The following SLC24A2 variants were observed in gnomAD, a reference collection of about 807,000 sequenced individuals.
SLC24A2 encodes the protein sodium/potassium/calcium exchanger 2.
Under a neutral mutation model 62.0 loss-of-function variants are expected in SLC24A2, and 36 were observed. That is an observed-to-expected ratio of 0.58 (90% confidence interval 0.44 to 0.77). SLC24A2 has a LOEUF of 0.77. Ranked by LOEUF, SLC24A2 falls within the 30% of genes least tolerant of loss-of-function variation. The pLI is 0.00. For missense variants in SLC24A2, 846 were observed against 817.9 expected, an observed-to-expected ratio of 1.03 and a Z score of -0.42; for synonymous variants, 358 against 294.0, an observed-to-expected ratio of 1.22 and a Z score of -2.23.
intron 5 of SLC24A2, among the ~76,000 whole-genome samples, chr9:19,577,873 C>T (rs1836076131): frequency 1.3e-5 from 2 of 148,272 alleles, no homozygotes; most frequent in African/African-American, 4.9e-5. Flanking sequence ...TAAAAATATT[C>T]CAACATATAT....
chr9:19,786,766 A>T lies in SLC24A2; in HGVS notation c.101T>A (p.Leu34Gln), dbSNP rs1181397055. Residue 34 changes from leucine (L) to glutamine (Q), a missense_variant, in exon 2 of 11, where the codon CTG (leucine) becomes CAG (glutamine). Coordinates refer to ENST00000341998, the MANE Select transcript of SLC24A2 (RefSeq NM_020344.4). The surrounding 1 kb of genome is among the most constrained non-coding windows in gnomAD (Gnocchi z 5.0). ...AAGGCCTAAGACTCGAATTAACTTCAGTTTTTTCTTGACACTATAATGTCT... is the reference window on the plus strand; with the variant it reads ...AAGGCCTAAGACTCGAATTAACTTCTGTTTTTTCTTGACACTATAATGTCT... ...CRRHYSVKKKLKLIRVLGLFM... is the reference protein window; with the variant it reads ...CRRHYSVKKKQKLIRVLGLFM... 6.2e-7 allele frequency: 1 copy of T among 1,601,716 alleles called. No individual in the cohort carries two copies. The highest frequency in any genetic ancestry group is 2.2e-5 in the East Asian group (1 of 44,690).
chr9:19,991,377 T>G, the SLC24A2 span, among the ~76,000 whole-genome samples: 2 of 152,168 alleles, frequency 1.3e-5, no homozygotes, highest in African/African-American at 4.8e-5. Context: ...CATGTTCTTC[T>G]GCCTGCTTTT....
chr9:20,208,221 G>C, the SLC24A2 span, among the ~76,000 whole-genome samples: 532 of 152,336 alleles, frequency 3.5e-3, 2 homozygotes, highest in Non-Finnish European at 6.3e-3. Context: ...GCTGAGACGA[G>C]CATTCCAAGC....
At chr9:19,572,681 T>C (rs929773736) in intron 7 of SLC24A2, among the ~76,000 whole-genome samples, 21 of 152,238 alleles carry the variant, frequency 1.4e-4, no homozygotes, top group African/African-American at 4.1e-4. Flanking sequence ...AAGTTCTCTA[T>C]AGCAGTGTGA....
intron 4 of SLC24A2, among the ~76,000 whole-genome samples, chr9:19,605,132 C>T (rs1375179614): frequency 6.6e-6 from 1 of 152,150 alleles, no homozygotes; most frequent in Non-Finnish European, 1.5e-5. Context: ...TGCCAGTAAA[C>T]CAGAGATCTG....
chr9:19,661,770 C>A (rs1819108758), intron 2 of SLC24A2, among the ~76,000 whole-genome samples: 1 of 152,202 alleles, frequency 6.6e-6, no homozygotes, highest in South Asian at 2.1e-4. Flanking sequence ...GATTAGGGAT[C>A]CCTCTGTTGT....
intron 2 of SLC24A2, among the ~76,000 whole-genome samples, chr9:19,720,777 A>C (rs1821002307): frequency 6.8e-6 from 1 of 146,872 alleles, no homozygotes; most frequent in South Asian, 2.3e-4. Flanking sequence ...ACTTAAATAG[A>C]AACTCATATT....
chr9:20,026,591 T>C, the SLC24A2 span, among the ~76,000 whole-genome samples: 1 of 152,166 alleles, frequency 6.6e-6, no homozygotes, highest in Non-Finnish European at 1.5e-5. Flanking sequence ...GCCTCTTCAA[T>C]AAATGATGTT....
the SLC24A2 span, among the ~76,000 whole-genome samples, chr9:20,273,145 C>T: frequency 2.6e-5 from 4 of 152,150 alleles, no homozygotes; most frequent in Admixed American, 6.5e-5. Flanking sequence ...CCTGATGGAG[C>T]ACAGGACACA....
At chr9:20,199,703 G>T in the SLC24A2 span, among the ~76,000 whole-genome samples, 1 of 151,234 alleles carries the variant, frequency 6.6e-6, no homozygotes, top group African/African-American at 2.4e-5. Context: ...TGATATCTGG[G>T]TTTCTTTCTT....
At chr9:20,212,074 G>T in the SLC24A2 span, among the ~76,000 whole-genome samples, 7 of 148,492 alleles carry the variant, frequency 4.7e-5, 1 homozygote, top group African/African-American at 1.8e-4. Flanking sequence ...TATTACAAAA[G>T]AATTCAAAAT....
At chr9:20,129,928 TACACACACACACACAC>T in the SLC24A2 span, among the ~76,000 whole-genome samples, 5 of 141,798 alleles carry the variant, frequency 3.5e-5, no homozygotes, top group East Asian at 6.0e-4. Flanking sequence ...TATAATTTAC[TACACACACACACACAC>T]ACACACACAC....
At chr9:19,697,420 T>C (rs553246567) in intron 2 of SLC24A2, among the ~76,000 whole-genome samples, 24 of 152,310 alleles carry the variant, frequency 1.6e-4, no homozygotes, top group African/African-American at 5.5e-4. Flanking sequence ...ATTCGGCATA[T>C]GTACCCCAGA....
chr9:19,534,647 T>C lies in SLC24A2; in HGVS notation c.1480-6509A>G, dbSNP rs540802386. ...TCTTGTGTTAGTTTGCTGACAATGA[T>C]AGTTTCCAGCTTCATCCATGTCCCT... is the stretch of plus-strand genomic sequence containing the variant. On this transcript the variant is annotated intron_variant, in intron 8 of 10. Coordinates refer to ENST00000341998, the MANE Select transcript of SLC24A2 (RefSeq NM_020344.4). 5.9e-5 allele frequency among the ~76,000 whole-genome samples: 9 copies of C among 152,290 alleles called. No homozygotes were observed. In the South Asian group the frequency reaches 1.9e-3, roughly 32 times the overall value.
the SLC24A2 span, among the ~76,000 whole-genome samples, chr9:20,249,412 A>G: frequency 6.6e-6 from 1 of 152,142 alleles, no homozygotes; most frequent in Non-Finnish European, 1.5e-5. Context: ...ATTAAATGAG[A>G]TAGTCCATCT....
At chr9:19,736,039 G>A (rs1010956790) in intron 2 of SLC24A2, among the ~76,000 whole-genome samples, 3 of 152,024 alleles carry the variant, frequency 2.0e-5, no homozygotes, top group African/African-American at 4.8e-5. Context: ...TAACAGTAAC[G>A]CAAACAGTGG....
At chr9:20,001,476 A>C in the SLC24A2 span, among the ~76,000 whole-genome samples, 14 of 152,344 alleles carry the variant, frequency 9.2e-5, no homozygotes, top group South Asian at 2.9e-3. Context: ...CAATCTGCTG[A>C]GCTGAGAATA....
At chr9:19,919,989 T>TAATGG in the SLC24A2 span, among the ~76,000 whole-genome samples, 237 of 152,280 alleles carry the variant, frequency 1.6e-3, 3 homozygotes, top group East Asian at 0.044. Context: ...GGAAAAATTA[T>TAATGG]AATGGAATGG....
At chr9:19,769,592 A>G (rs1432836668) in intron 2 of SLC24A2, among the ~76,000 whole-genome samples, 1 of 152,188 alleles carries the variant, frequency 6.6e-6, no homozygotes, top group Admixed American at 6.5e-5. Flanking sequence ...CCAGACAAAT[A>G]TATTTTTCTA....
Sources: allele counts gnomAD v4.1 joint callset (sites outside exome capture counted in the v4.1 genomes callset), GRCh38; gene constraint gnomAD v4.1.1; non-coding constraint Gnocchi (gnomAD v3.1); transcripts MANE v1.5; gene names NCBI Gene and HGNC (gene_info 2026-07-23, HGNC 2026-07-21).